MYO5B: variants seen among roughly 807,000 people sequenced by gnomAD.
MYO5B encodes myosin VB.
A neutral mutation model predicts 229.3 loss-of-function variants in MYO5B; 143 were observed. That is an observed-to-expected ratio of 0.62 (90% confidence interval 0.54 to 0.72). The LOEUF (loss-of-function observed/expected upper bound fraction) is 0.72. Among genes scored for constraint, MYO5B ranks in the 30% least tolerant of loss-of-function variants. The pLI is 0.00. For synonymous variants in MYO5B, 918 were observed against 885.2 expected (o/e 1.04, Z -0.66); for missense variants, 2,321 against 2,331.0 (o/e 1.00, Z 0.09).
chr18:49,903,995 A>T (rs2024872031), intron 20 of MYO5B, among the ~76,000 whole-genome samples: 1 of 152,250 alleles, frequency 6.6e-6, no homozygotes, highest in African/African-American at 2.4e-5. Flanking sequence ...AGTGTGAATG[A>T]GCCCTAGGTG....
At chr18:50,076,864 C>T (rs996424204) in intron 1 of MYO5B, among the ~76,000 whole-genome samples, 1 of 151,394 alleles carries the variant, frequency 6.6e-6, no homozygotes, top group Non-Finnish European at 1.5e-5. Flanking sequence ...CCAGTTGGGA[C>T]ATTCACACTT....
intron 1 of MYO5B, among the ~76,000 whole-genome samples, chr18:50,084,324 C>T (rs2031282764): frequency 6.6e-6 from 1 of 152,172 alleles, no homozygotes; most frequent in South Asian, 2.1e-4. Flanking sequence ...TTTTACTACT[C>T]TCTCTAGAGT....
intron 22 of MYO5B, among the ~76,000 whole-genome samples, chr18:49,885,268 AAG>A (rs1407755072): frequency 6.6e-6 from 1 of 152,128 alleles, no homozygotes; most frequent in Non-Finnish European, 1.5e-5. Context: ...CCTGTGTAGA[AAG>A]AGTCTCAAAA....
chr18:49,912,217 T>C lies in MYO5B; in HGVS notation c.2091-44A>G. Reference sequence around the variant, plus strand: ...GGCATCAGGTGACACATCCTGCCTCTTGGCCACACAAAAGCCAGGCGTGAC... The same window carrying C: ...GGCATCAGGTGACACATCCTGCCTCCTGGCCACACAAAAGCCAGGCGTGAC... On this transcript the variant is annotated intron_variant, in intron 17 of 39. Transcript: ENST00000285039. 2.7e-6 allele frequency: 4 copies of C among 1,493,404 alleles called. No individual in the cohort carries two copies. The Admixed American group carries it at 5.0e-5, about 19-fold the overall frequency. The allele number at this position is 1,493,404 out of a possible 1,614,324, so 92.5% of individuals were successfully genotyped here.
At chr18:50,127,090 C>T (rs1025928805) in intron 1 of MYO5B, among the ~76,000 whole-genome samples, 1 of 152,112 alleles carries the variant, frequency 6.6e-6, no homozygotes, top group African/African-American at 2.4e-5. Context: ...ATCAAACTGC[C>T]CCCAGTTAAC....
At chr18:50,036,418 G>A (rs538165570) in intron 4 of MYO5B, among the ~76,000 whole-genome samples, 1 of 152,320 alleles carries the variant, frequency 6.6e-6, no homozygotes, top group East Asian at 1.9e-4. Context: ...TACGTGCTTG[G>A]CATCCCAAGA....
At chr18:50,178,228 C>A (rs1253327449) in intron 1 of MYO5B, among the ~76,000 whole-genome samples, 1 of 152,160 alleles carries the variant, frequency 6.6e-6, no homozygotes, top group Admixed American at 6.5e-5. Flanking sequence ...AAGCTTCAGA[C>A]TCAGATCACC....
chr18:49,934,879 A>T (rs932494778), intron 16 of MYO5B, among the ~76,000 whole-genome samples: 1 of 152,216 alleles, frequency 6.6e-6, no homozygotes, highest in African/African-American at 2.4e-5. Flanking sequence ...CTGAGAGTCA[A>T]AATTGTCAAA....
At chr18:50,183,577 A>G (rs984884257) in intron 1 of MYO5B, among the ~76,000 whole-genome samples, 2 of 151,988 alleles carry the variant, frequency 1.3e-5, no homozygotes, top group African/African-American at 4.8e-5. Flanking sequence ...TAAGTGAGAG[A>G]TGGAGCCAGG....
chr18:50,048,216 T>C (rs531893273), intron 2 of MYO5B, among the ~76,000 whole-genome samples: 2 of 152,014 alleles, frequency 1.3e-5, no homozygotes, highest in Non-Finnish European at 2.9e-5. Context: ...CCAGAAAGCT[T>C]ATTCTCCTTA....
chr18:50,053,289 T>C (rs2030451869), intron 2 of MYO5B, among the ~76,000 whole-genome samples: 1 of 152,150 alleles, frequency 6.6e-6, no homozygotes, highest in South Asian at 2.1e-4. Flanking sequence ...CCTGGCCTTG[T>C]AGCAGGGGAA....
intron 12 of MYO5B, among the ~76,000 whole-genome samples, chr18:49,956,601 A>T (rs1443494988): frequency 1.3e-5 from 2 of 152,224 alleles, no homozygotes. Flanking sequence ...TATTTTGATA[A>T]CTTCTGGGTC....
chr18:49,970,209 C>A lies in MYO5B; in HGVS notation c.1322+4141G>T, dbSNP rs532140161. On this transcript the variant is annotated intron_variant, in intron 10 of 39. Transcript: ENST00000285039. ...GGATCTCCCCTATTAATTTCCATAC[C>A]CTGCCTGGTCAAAAATACCCTGAAG... Among the ~76,000 whole-genome samples the A allele has an allele frequency of 3.3e-5, 5 of 152,278 alleles. No homozygotes were observed. In the East Asian group the frequency reaches 9.7e-4, roughly 29 times the overall value.
chr18:49,933,449 A>G (rs1368941138), intron 16 of MYO5B, among the ~76,000 whole-genome samples: 1 of 152,242 alleles, frequency 6.6e-6, no homozygotes, highest in Non-Finnish European at 1.5e-5. Flanking sequence ...GTGCCTAGTA[A>G]GAGGTATGAT....
intron 4 of MYO5B, among the ~76,000 whole-genome samples, chr18:50,029,524 C>T (rs1322547284): frequency 6.6e-6 from 1 of 152,180 alleles, no homozygotes; most frequent in Admixed American, 6.5e-5. Context: ...TGACTGAAGT[C>T]CTGGTTTCAG....
chr18:50,009,900 C>T (rs141133915), intron 4 of MYO5B, among the ~76,000 whole-genome samples: 20 of 152,282 alleles, frequency 1.3e-4, no homozygotes, highest in African/African-American at 4.6e-4. Flanking sequence ...TCTCCAGGCC[C>T]AAGGACTGAG....
At chr18:49,984,183 C>T (rs924853488) in intron 8 of MYO5B, among the ~76,000 whole-genome samples, 1 of 152,190 alleles carries the variant, frequency 6.6e-6, no homozygotes, top group South Asian at 2.1e-4. Flanking sequence ...CCCCTTATGC[C>T]CCTGAAGGAC....
chr18:50,143,931 C>T (rs2032459282), intron 1 of MYO5B, among the ~76,000 whole-genome samples: 1 of 152,162 alleles, frequency 6.6e-6, no homozygotes. Flanking sequence ...ATGGAATATC[C>T]ATTTTCTGGA....
chr18:49,887,627 C>T (rs4939914), intron 22 of MYO5B, among the ~76,000 whole-genome samples: 27,893 of 152,128 alleles, frequency 0.18, 2,775 homozygotes, highest in East Asian at 0.41. Context: ...CCTGTACAGA[C>T]TATAGAACTG....
Sources: allele counts gnomAD v4.1 joint callset (sites outside exome capture counted in the v4.1 genomes callset), GRCh38; gene constraint gnomAD v4.1.1; transcripts MANE v1.5; gene names NCBI Gene and HGNC (gene_info 2026-07-23, HGNC 2026-07-21).